Variants in NOP9 observed in about 807,000 individuals in gnomAD.
NOP9 encodes the protein nucleolar protein 9.
In NOP9, 50 loss-of-function variants were observed where a neutral mutation model predicts 63.0. The observed-to-expected ratio is 0.79, with a 90% CI of 0.63 to 1.00. NOP9 has a LOEUF of 1.00. Ranked by LOEUF, NOP9 falls within the 50% of genes least tolerant of loss-of-function variation. NOP9 has a pLI of 0.00. For synonymous variants in NOP9, 343 were observed against 332.8 expected (o/e 1.03, Z -0.33); for missense variants, 758 against 803.0 (o/e 0.94, Z 0.68).
At chr14:24,276,066 A>T in the NOP9 span, among the ~76,000 whole-genome samples, 1 of 152,070 alleles carries the variant, frequency 6.6e-6, no homozygotes, top group African/African-American at 2.4e-5. Context: ...TTTCATTTTA[A>T]TTAACTTAAA....
intron 2 of NOP9, 58 bp downstream of exon 2, chr14:24,300,915 ATG>A: frequency 7.3e-7 from 1 of 1,378,920 alleles, no homozygotes; most frequent in African/African-American, 1.4e-5. Context: ...AAAGTTCAGA[ATG>A]AGACAGTAAA....
At position 24,307,969 on chromosome 14, in the gene NOP9, G is replaced by T; in HGVS notation, c.*2874G>T. The T allele has an allele frequency of 9.8e-7, 1 of 1,019,890 alleles. No homozygotes were observed. Among genetic ancestry groups the T allele is most frequent in the African/African-American group, 1.6e-5 (1 of 62,652 alleles). 63.2% of individuals were successfully genotyped at this position (1,019,890 alleles called of 1,614,324 possible). The stretch of plus-strand genomic sequence containing the variant: ...AACCTGGGATCTCAGCCCAGGACAA[G>T]GTGGGAATGAGTCAAGCCTGGACTC... On this transcript the variant is annotated 3_prime_UTR_variant, in exon 10 of 10. Coordinates refer to ENST00000267425, the MANE Select transcript of NOP9 (RefSeq NM_174913.3).
the NOP9 span, among the ~76,000 whole-genome samples, chr14:24,287,916 T>C: frequency 4.6e-5 from 7 of 152,342 alleles, no homozygotes; most frequent in African/African-American, 1.7e-4. Flanking sequence ...GAATGAGTAT[T>C]GATTCCCCAA....
At chr14:24,291,907 G>A in the NOP9 span, 1 of 599,574 alleles carries the variant, frequency 1.7e-6, no homozygotes, top group African/African-American at 1.9e-5. Flanking sequence ...AGCTGGTGTG[G>A]GGGTCAAGTG....
chr14:24,290,946 C>T, the NOP9 span: 5 of 1,614,064 alleles, frequency 3.1e-6, no homozygotes, highest in East Asian at 2.2e-5. Flanking sequence ...CCAGGCCGGA[C>T]ACGTGTGAGA....
In NOP9 at chr14:24,307,715, G is replaced by T; in HGVS notation, c.*2620G>T. ...AAGCCCACTGTGGAGTGGGGAGCAG[G>T]AGAGGAAGGGGTACTGGTTAGTCTC... On this transcript the variant is annotated 3_prime_UTR_variant, in exon 10 of 10. Coordinates refer to ENST00000267425, the MANE Select transcript of NOP9 (RefSeq NM_174913.3). 2 of 1,342,908 alleles carry T rather than the reference G, an allele frequency of 1.5e-6. No homozygotes were observed. The highest frequency in any genetic ancestry group is 2.5e-5 in the South Asian group (2 of 79,988). 83.2% of individuals were successfully genotyped at this position (1,342,908 alleles called of 1,614,324 possible).
In NOP9 at chr14:24,302,364, A is replaced by T. The variant is rs374151715; in HGVS notation, c.1083A>T (p.Ala361=). The change falls in exon 5 of 10, where the codon GCA becomes GCT. Residue 361 remains alanine (A), a synonymous_variant. Coordinates refer to ENST00000267425, the MANE Select transcript of NOP9 (RefSeq NM_174913.3). The part of the protein sequence containing the change: ...HLQGQLQTLA[A]HPIANFPLQR... ...AGGGGCAGCTGCAGACCCTGGCTGCACATCCCATTGCCAACTTCCCTTTGC... is the reference window on the plus strand; with the variant it reads ...AGGGGCAGCTGCAGACCCTGGCTGCTCATCCCATTGCCAACTTCCCTTTGC... 68 of 1,613,952 alleles carry T rather than the reference A, an allele frequency of 4.2e-5. No homozygotes were observed. Among genetic ancestry groups the T allele is most frequent in the Non-Finnish European group, 4.9e-5 (58 of 1,179,990 alleles).
the NOP9 span, among the ~76,000 whole-genome samples, chr14:24,288,522 G>A: frequency 6.6e-6 from 1 of 152,030 alleles, no homozygotes; most frequent in Non-Finnish European, 1.5e-5. Flanking sequence ...GCTAGTTTTT[G>A]TATTTTTATT....
rs1207362883 is a variant in NOP9, at chr14:24,308,678, G to T, written c.*3583G>T. 6.6e-6 allele frequency: 1 copy of T among 152,276 alleles called. No homozygotes were observed. Among genetic ancestry groups the T allele is most frequent in the Non-Finnish European group, 1.5e-5 (1 of 68,068 alleles). 9.4% of individuals were successfully genotyped at this position (152,276 alleles called of 1,614,324 possible). ...AAGACTTTAGCTTCTGGTGCGCTGT[G>T]TCCCAGCTCTGATTTCAGTTGCAGC... On this transcript the variant is annotated 3_prime_UTR_variant, in exon 10 of 10. Transcript: ENST00000267425.
chr14:24,304,224 A>G lies in NOP9; in HGVS notation c.1594A>G (p.Thr532Ala). Residue 532 changes from threonine (T) to alanine (A), a missense_variant, in exon 8 of 10, where the codon ACC becomes GCC. Coordinates refer to ENST00000267425, the MANE Select transcript of NOP9 (RefSeq NM_174913.3). ...AGSHVLDAIL[T>A]SPSVTRKLRR... is the part of the protein sequence containing the mutation. The stretch of plus-strand genomic sequence containing the variant: ...CTCTCATGTGCTCGATGCCATCCTG[A>G]CCAGCCCCTCTGTGACGCGCAAGCT... The G allele has an allele frequency of 1.2e-6, 2 of 1,614,110 alleles. No homozygotes were observed. The highest frequency in any genetic ancestry group is 8.5e-7 in the Non-Finnish European group (1 of 1,180,036).
At chr14:24,295,975 C>T (rs1287862295), upstream of NOP9, among the ~76,000 whole-genome samples, 6 of 152,124 alleles carry the variant, frequency 3.9e-5, no homozygotes, top group East Asian at 1.9e-4. Context: ...TTATGCTAGG[C>T]GAATTCTAAA....
chr14:24,304,011 C>T (rs771549069), intron 7 of NOP9, 30 bp from the exon 8 acceptor site: 4 of 1,599,632 alleles, frequency 2.5e-6, no homozygotes, highest in Non-Finnish European at 8.6e-7. Context: ...CTTGTTGGTG[C>T]CTCCTAATTT....
chr14:24,307,442 G>A lies in NOP9; in HGVS notation c.*2347G>A, dbSNP rs376969667. 31 of 1,613,974 alleles carry A rather than the reference G, an allele frequency of 1.9e-5. No individual in the cohort carries two copies. The highest frequency in any genetic ancestry group is 6.7e-5 in the African/African-American group (5 of 74,884). ...ATGGTCCGCTTGTGATCACAGACAC[G>A]GAAAGGTCGCTGGGGTGGTGGAGCT... On this transcript the variant is annotated 3_prime_UTR_variant, in exon 10 of 10. Transcript: ENST00000267425.
rs1026817198 is a variant in NOP9 at position 24,307,670 on chromosome 14, G to A, written c.*2575G>A. The A allele has an allele frequency of 6.3e-5, 75 of 1,194,782 alleles. No homozygotes were observed. The highest frequency in any genetic ancestry group is 8.4e-5 in the Non-Finnish European group (70 of 830,944). 74.0% of individuals were successfully genotyped at this position (1,194,782 alleles called of 1,614,324 possible). On this transcript the variant is annotated 3_prime_UTR_variant, in exon 10 of 10. Coordinates refer to ENST00000267425, the MANE Select transcript of NOP9 (RefSeq NM_174913.3). ...GAGACCATGGAGTGCAGGTGGGGGC[G>A]GGTGGCTCAGGAGCTTGACAAGCCC...
At chr14:24,304,316 TC>T in intron 8 of NOP9, 39 bp downstream of exon 8, 1 of 1,541,120 alleles carries the variant, frequency 6.5e-7, no homozygotes, top group Non-Finnish European at 9.0e-7. Flanking sequence ...CCCACCATCA[TC>T]CATTTAGAGA....
chr14:24,281,611 G>A, the NOP9 span, among the ~76,000 whole-genome samples: 5 of 152,196 alleles, frequency 3.3e-5, no homozygotes, highest in African/African-American at 1.2e-4. Context: ...AGGTTCCCTG[G>A]AAGCGGGCAA....
At position 24,300,322 on chromosome 14, in the gene NOP9, C is replaced by G. The variant is rs188210549; in HGVS notation, c.248-86C>G. On this transcript the variant is annotated intron_variant, in intron 1 of 9. Transcript: ENST00000267425. ...TTTCCCATGTCCTCTTCCTCGGCCT[C>G]CGACCCACGACCCTTGGTTAAGCGA... 6.0e-4 allele frequency: 932 copies of G among 1,544,472 alleles called. 1 individual carries two copies. Among genetic ancestry groups the G allele is most frequent in the Non-Finnish European group, 7.6e-4 (867 of 1,141,140 alleles).
At chr14:24,293,663 T>C in the NOP9 span, 3 of 151,694 alleles carry the variant, frequency 2.0e-5, no homozygotes, top group Non-Finnish European at 2.9e-5. Context: ...GTGAGGGGGA[T>C]TGCTTTCCCT....
rs925882522 is a variant in NOP9, at chr14:24,302,351, A to G, written c.1070A>G (p.Gln357Arg). 1.2e-6 allele frequency: 2 copies of G among 1,614,148 alleles called. No homozygotes were observed. Among genetic ancestry groups the G allele is most frequent in the Non-Finnish European group, 1.7e-6 (2 of 1,180,024 alleles). Residue 357 changes from glutamine (Q) to arginine (R), a missense_variant, in exon 5 of 10, where the codon CAG becomes CGG. Transcript: ENST00000267425. ...GAGGAGCACTTGCAGGGGCAGCTGCAGACCCTGGCTGCACATCCCATTGCC... is the reference window on the plus strand; with the variant it reads ...GAGGAGCACTTGCAGGGGCAGCTGCGGACCCTGGCTGCACATCCCATTGCC... ...LFEEHLQGQL[Q>R]TLAAHPIANF...
Sources: allele counts gnomAD v4.1 joint callset (sites outside exome capture counted in the v4.1 genomes callset), GRCh38; gene constraint gnomAD v4.1.1; transcripts MANE v1.5; gene names NCBI Gene and HGNC (gene_info 2026-07-23, HGNC 2026-07-21).